Variants in CD2AP observed in about 807,000 individuals in gnomAD.
CD2AP encodes CD2 associated protein, also known as CD2-associated protein.
Under a neutral mutation model 85.1 loss-of-function variants are expected in CD2AP, and 46 were observed. The observed-to-expected ratio is 0.54, with a 90% CI of 0.43 to 0.69. CD2AP has a LOEUF of 0.69. Among genes scored for constraint, CD2AP ranks in the 30% least tolerant of loss-of-function variants. The probability of loss-of-function intolerance (pLI) is 0.00; values close to 1 mark genes in which losing one functional copy is unlikely to be tolerated. For synonymous variants in CD2AP, 255 were observed against 252.9 expected (o/e 1.01, Z -0.08); for missense variants, 769 against 729.5 (o/e 1.05, Z -0.62).
intron 2 of CD2AP, among the ~76,000 whole-genome samples, chr6:47,505,340 T>TG (rs1320577602): frequency 6.7e-6 from 1 of 149,058 alleles, no homozygotes; most frequent in African/African-American, 2.5e-5. Context: ...AGCACAGGGT[T>TG]GGGGGCAAGG....
intron 2 of CD2AP, among the ~76,000 whole-genome samples, chr6:47,527,094 A>G (rs1055618325): frequency 1.9e-5 from 2 of 103,748 alleles, no homozygotes; most frequent in Non-Finnish European, 3.9e-5. Flanking sequence ...CTGTTTTTCC[A>G]AAATAAAAGA....
At chr6:47,575,722 T>C (rs1398272201) in intron 6 of CD2AP, among the ~76,000 whole-genome samples, 1 of 152,208 alleles carries the variant, frequency 6.6e-6, no homozygotes, top group Non-Finnish European at 1.5e-5. Flanking sequence ...GTTAAATTAC[T>C]GTTGTAATCT....
chr6:47,557,998 T>C (rs1767742577), intron 5 of CD2AP, among the ~76,000 whole-genome samples: 1 of 152,200 alleles, frequency 6.6e-6, no homozygotes, highest in South Asian at 2.1e-4. Context: ...CTCTCTTATT[T>C]CCTTGAGCAG....
intron 2 of CD2AP, among the ~76,000 whole-genome samples, chr6:47,512,233 C>G (rs1262722636): frequency 1.3e-5 from 2 of 148,910 alleles, no homozygotes; most frequent in African/African-American, 5.0e-5. Context: ...TCCCAGCCAC[C>G]CAGGAGGCTG....
In CD2AP at chr6:47,534,159, T is replaced by C. The variant is rs1262065586; in HGVS notation, c.319+404T>C. 3.9e-5 allele frequency among the ~76,000 whole-genome samples: 6 copies of C among 152,310 alleles called. 1 individual carries two copies. In the East Asian group the frequency reaches 7.7e-4, roughly 20 times the overall value. ...CTGAACATAAACATTTCCAAGGTGG[T>C]TGGCCTTGCAAATTACCTTGTAAGG... On this transcript the variant is annotated intron_variant, in intron 3 of 17. Coordinates refer to ENST00000359314, the MANE Select transcript of CD2AP (RefSeq NM_012120.3).
chr6:47,484,809 G>A (rs1168653988), intron 1 of CD2AP, among the ~76,000 whole-genome samples: 2 of 152,186 alleles, frequency 1.3e-5, no homozygotes, highest in Admixed American at 6.5e-5. Flanking sequence ...ATGATTCAGC[G>A]TCCAGATAAT....
At chr6:47,558,358 T>C (rs1440126728) in intron 5 of CD2AP, among the ~76,000 whole-genome samples, 1 of 152,198 alleles carries the variant, frequency 6.6e-6, no homozygotes, top group Non-Finnish European at 1.5e-5. Context: ...TCCAATACCA[T>C]GTTGAATAGG....
chr6:47,622,801 G>A (rs1042271365), intron 17 of CD2AP, among the ~76,000 whole-genome samples: 2 of 152,156 alleles, frequency 1.3e-5, no homozygotes, highest in Non-Finnish European at 2.9e-5. Context: ...TACACAATGC[G>A]AGTCTCCGCA....
intron 17 of CD2AP, among the ~76,000 whole-genome samples, chr6:47,615,484 A>G (rs970494061): frequency 6.6e-6 from 1 of 152,142 alleles, no homozygotes; most frequent in African/African-American, 2.4e-5. Flanking sequence ...GCTTTTACTC[A>G]TGGTGAAAGG....
chr6:47,579,313 C>T, intron 8 of CD2AP, 72 bp from the exon 9 acceptor site: 2 of 910,960 alleles, frequency 2.2e-6, no homozygotes, highest in Non-Finnish European at 3.5e-6. Flanking sequence ...TCAGCCTGGC[C>T]AACAGAGCAA....
Position 47,544,692 on chromosome 6 carries a change from G to A in CD2AP, c.406G>A (p.Asp136Asn). The A allele has an allele frequency of 6.2e-7, 1 of 1,604,510 alleles. No individual in the cohort carries two copies. The highest frequency in any genetic ancestry group is 8.5e-7 in the Non-Finnish European group (1 of 1,171,584). The change falls in exon 4 of 18, where the codon GAT (aspartate) becomes AAT (asparagine). Residue 136 changes from aspartate (D) to asparagine (N), a missense_variant. Coordinates refer to ENST00000359314, the MANE Select transcript of CD2AP (RefSeq NM_012120.3). Reference protein sequence around the residue: ...ELELKVGDIIDINEEVEEGWW... With the variant: ...ELELKVGDIININEEVEEGWW... ...GGAGCTGAAAGTGGGAGATATTATT[G>A]ATATTAATGAAGAGGTAAGGAAAAA...
At chr6:47,584,037 CTTAA>C (rs755502888) in intron 11 of CD2AP, among the ~76,000 whole-genome samples, 1 of 152,154 alleles carries the variant, frequency 6.6e-6, no homozygotes, top group Non-Finnish European at 1.5e-5. Flanking sequence ...TTCTCATATG[CTTAA>C]TTGTCATTTG....
intron 5 of CD2AP, among the ~76,000 whole-genome samples, chr6:47,570,510 C>T (rs1173766298): frequency 7.2e-6 from 1 of 139,768 alleles, no homozygotes; most frequent in Non-Finnish European, 1.5e-5. Context: ...TTTTCCTCCT[C>T]CTTTTTCCTT....
chr6:47,578,656 T>G (rs1047999327), intron 8 of CD2AP, among the ~76,000 whole-genome samples: 3 of 151,210 alleles, frequency 2.0e-5, no homozygotes, highest in African/African-American at 7.3e-5. Context: ...TTTCATTATA[T>G]CTTTTTTTTT....
At chr6:47,501,970 T>C (rs1766008293) in intron 1 of CD2AP, among the ~76,000 whole-genome samples, 1 of 152,140 alleles carries the variant, frequency 6.6e-6, no homozygotes, top group Non-Finnish European at 1.5e-5. Context: ...GTTTCTGTGG[T>C]TTAAGAGTCT....
intron 1 of CD2AP, chr6:47,489,009 T>C (rs561349507): frequency 1.5e-4 from 23 of 152,356 alleles, no homozygotes; most frequent in African/African-American, 5.5e-4. Flanking sequence ...TTACTGCTGC[T>C]GTTCTTACAA....
intron 12 of CD2AP, among the ~76,000 whole-genome samples, chr6:47,598,920 A>G (rs1769026921): frequency 6.6e-6 from 1 of 150,596 alleles, no homozygotes; most frequent in African/African-American, 2.4e-5. Context: ...ATAATCTAAA[A>G]TAATAAAAAA....
intron 16 of CD2AP, 141 bp downstream of exon 16, chr6:47,609,445 G>A (rs2114149941): frequency 1.8e-6 from 1 of 547,250 alleles, no homozygotes; most frequent in East Asian, 3.9e-5. Flanking sequence ...GGGAGACCAA[G>A]TTTGGAGGAT....
At chr6:47,552,405 T>C (rs1294638190) in intron 4 of CD2AP, among the ~76,000 whole-genome samples, 1 of 152,174 alleles carries the variant, frequency 6.6e-6, no homozygotes. Context: ...TGATTGGTTT[T>C]CCATTCTTGA....
Sources: allele counts gnomAD v4.1 joint callset (sites outside exome capture counted in the v4.1 genomes callset), GRCh38; gene constraint gnomAD v4.1.1; transcripts MANE v1.5; gene names NCBI Gene and HGNC (gene_info 2026-07-23, HGNC 2026-07-21).